ITGAX: variants seen among roughly 807,000 people sequenced by gnomAD.
ITGAX encodes the protein integrin alpha-X.
A neutral mutation model predicts 140.2 loss-of-function variants in ITGAX; 99 were observed. The observed-to-expected ratio is 0.71, with a 90% CI of 0.60 to 0.83. The LOEUF is 0.83. Among genes scored for constraint, ITGAX ranks in the 40% least tolerant of loss-of-function variants. ITGAX has a pLI of 0.00. For missense variants in ITGAX, 1,444 were observed against 1,482.0 expected, an observed-to-expected ratio of 0.97 and a Z score of 0.42; for synonymous variants, 631 against 600.4, an observed-to-expected ratio of 1.05 and a Z score of -0.75.
At chr16:31,378,832 TTG>T (rs201147223) in intron 23 of ITGAX, among the ~76,000 whole-genome samples, 1,900 of 151,206 alleles carry the variant, frequency 0.013, 48 homozygotes, top group African/African-American at 0.044. Flanking sequence ...TTTTTTTTTT[TTG>T]AGACCAAGTC....
Position 31,382,509 on chromosome 16 carries a change from C to A in ITGAX, c.*602C>A, listed in dbSNP as rs529318380. On this transcript the variant is annotated 3_prime_UTR_variant, in exon 30 of 30. Transcript: ENST00000268296. ...GGACAATGTCTGAACTCTCCAGCTT[C>A]GCGTGAGAAGTCCCCTTCCATCCCA... 1 of 1,440,154 alleles carries A rather than the reference C, an allele frequency of 6.9e-7. No individual in the cohort carries two copies. The highest frequency in any genetic ancestry group is 1.2e-5 in the South Asian group (1 of 82,200). The allele number at this position is 1,440,154 out of a possible 1,614,324, so 89.2% of individuals were successfully genotyped here.
intron 14 of ITGAX, among the ~76,000 whole-genome samples, chr16:31,368,631 A>G (rs1212713058): frequency 7.4e-6 from 1 of 134,884 alleles, no homozygotes; most frequent in African/African-American, 2.7e-5. Flanking sequence ...TTTTTTATTG[A>G]TCATTCTTGG....
chr16:31,361,155 C>G lies in ITGAX; in HGVS notation c.954C>G (p.Asp318Glu). 6.2e-7 allele frequency: 1 copy of G among 1,613,914 alleles called. No homozygotes were observed. The highest frequency in any genetic ancestry group is 1.1e-5 in the South Asian group (1 of 91,030). Residue 318 changes from aspartate to glutamate, a missense_variant, in exon 9 of 30, where the codon GAC becomes GAG. Physicochemically the swap from Asp to Glu is conservative, Grantham distance 45 (BLOSUM62 2). Coordinates refer to ENST00000268296, the MANE Select transcript of ITGAX (RefSeq NM_000887.5). Reference sequence around the variant, plus strand: ...AGGAACACATATTTAAAGTGGAGGACTTTGATGCTCTGAAAGATATTCAAA... The same window carrying G: ...AGGAACACATATTTAAAGTGGAGGAGTTTGATGCTCTGAAAGATATTCAAA... ...PSQEHIFKVE[D>E]FDALKDIQNQ...
chr16:31,370,334 A>G lies in ITGAX; in HGVS notation c.1711-750A>G, dbSNP rs568081023. On this transcript the variant is annotated intron_variant, in intron 14 of 29. Coordinates refer to ENST00000268296, the MANE Select transcript of ITGAX (RefSeq NM_000887.5). ...GCACATTCTTCCAGGGATTGGGCAT[A>G]ACATGAGCACTGGGAATGAAGGTGA... Among the ~76,000 whole-genome samples the G allele has an allele frequency of 3.9e-5, 6 of 152,280 alleles. No individual in the cohort carries two copies. In the South Asian group the frequency reaches 1.0e-3, roughly 26 times the overall value.
chr16:31,382,439 T>G lies in ITGAX; in HGVS notation c.*532T>G. The stretch of plus-strand genomic sequence containing the variant: ...TCTTTCTAAAATACAGTTCTGAATA[T>G]GCTGCTCATCCCCACCTGTCTTCAA... On this transcript the variant is annotated 3_prime_UTR_variant, in exon 30 of 30. Coordinates refer to ENST00000268296, the MANE Select transcript of ITGAX (RefSeq NM_000887.5). 6.5e-7 allele frequency: 1 copy of G among 1,535,564 alleles called. No homozygotes were observed. The highest frequency in any genetic ancestry group is 8.7e-7 in the Non-Finnish European group (1 of 1,146,458).
At position 31,363,009 on chromosome 16, in the gene ITGAX, C is replaced by T. The variant is rs142089990; in HGVS notation, c.1434C>T (p.Ile478=). ...ACGGCAGCACCGACCTGGTCCTCAT[C>T]GGGGCCCCCCATTACTACGAGCAGA... The part of the protein sequence containing the change: ...DSDGSTDLVL[I]GAPHYYEQTR... Residue 478 remains isoleucine, a synonymous_variant, in exon 13 of 30, where the codon ATC becomes ATT. Transcript: ENST00000268296. 4,366 of 1,384,422 alleles carry T rather than the reference C, an allele frequency of 3.2e-3. 13 individuals are homozygous for T. The highest frequency in any genetic ancestry group is 3.9e-3 in the Non-Finnish European group (4,015 of 1,037,342). 85.8% of individuals were successfully genotyped at this position (1,384,422 alleles called of 1,614,324 possible).
At position 31,372,525 on chromosome 16, in the gene ITGAX, G is replaced by T; in HGVS notation, c.2292+16G>T. 1 of 1,611,488 alleles carries T rather than the reference G, an allele frequency of 6.2e-7. No homozygotes were observed. The highest frequency in any genetic ancestry group is 8.5e-7 in the Non-Finnish European group (1 of 1,179,096). ...CACGGCCTCCGTGAGTCCTGGCACT[G>T]GGTCTCCCAGAGAGGGTGCACAGCG... is the stretch of plus-strand genomic sequence containing the variant. On this transcript the variant is annotated intron_variant, in intron 18 of 29. Transcript: ENST00000268296.
In ITGAX at chr16:31,361,916, G is replaced by A. The variant is rs766321271; in HGVS notation, c.1086+7G>A. 1.2e-6 allele frequency: 2 copies of A among 1,613,988 alleles called. No homozygotes were observed. The highest frequency in any genetic ancestry group is 2.2e-5 in the East Asian group (1 of 44,868). On this transcript the variant is annotated splice_region_variant and intron_variant, in intron 10 of 29. Transcript: ENST00000268296. ...CAGCGCTGTGTTCACACCTGTGAGTGGGGCCCCTTAGGCCGATGATGTGCC... is the reference window on the plus strand; with the variant it reads ...CAGCGCTGTGTTCACACCTGTGAGTAGGGCCCCTTAGGCCGATGATGTGCC...
Position 31,360,061 on chromosome 16 carries a change from G to A in ITGAX, c.703G>A (p.Val235Ile), listed in dbSNP as rs964527732. 2.5e-6 allele frequency: 4 copies of A among 1,609,512 alleles called. No individual in the cohort carries two copies. Among genetic ancestry groups the A allele is most frequent in the Non-Finnish European group, 3.4e-6 (4 of 1,180,004 alleles). Residue 235 changes from valine (V) to isoleucine (I), a missense_variant, in exon 7 of 30, where the codon GTC becomes ATC. Transcript: ENST00000268296. Reference sequence around the variant, plus strand: ...ATACACGGCCACCGCCATCCAAAATGTCGTGTGAGTCCTGATTTCTTCCAG... The same window carrying A: ...ATACACGGCCACCGCCATCCAAAATATCGTGTGAGTCCTGATTTCTTCCAG... ...FTYTATAIQN[V>I]VHRLFHASYG...
chr16:31,363,195 T>C lies in ITGAX; in HGVS notation c.1531T>C (p.Tyr511His), dbSNP rs369681895. 24 of 1,612,078 alleles carry C rather than the reference T, an allele frequency of 1.5e-5. No individual in the cohort carries two copies. The highest frequency in any genetic ancestry group is 1.8e-5 in the Non-Finnish European group (21 of 1,179,156). Residue 511 changes from tyrosine (Y) to histidine (H), a missense_variant, in exon 14 of 30, where the codon TAC becomes CAC. Coordinates refer to ENST00000268296, the MANE Select transcript of ITGAX (RefSeq NM_000887.5). ...AAGGTGGTGGTGTGATGCTGTTCTC[T>C]ACGGGGAGCAGGGCCACCCCTGGGG... ...WRRWWCDAVLYGEQGHPWGRF... is the reference protein window; with the variant it reads ...WRRWWCDAVLHGEQGHPWGRF...
chr16:31,371,289 C>T (rs377204596), intron 15 of ITGAX, 45 bp from the exon 16 acceptor site: 54 of 1,609,878 alleles, frequency 3.4e-5, no homozygotes, highest in Non-Finnish European at 4.3e-5. Flanking sequence ...ACGTGGTGCT[C>T]CCAGGAGCCG....
rs879341182 is a variant in ITGAX at position 31,368,360 on chromosome 16, TG to T, written c.1711-2722del. Among the ~76,000 whole-genome samples the T allele has an allele frequency of 9.2e-5, 14 of 151,786 alleles. No individual in the cohort carries two copies. The East Asian group carries it at 2.7e-3, about 29-fold the overall frequency. On this transcript the variant is annotated intron_variant, in intron 14 of 29. Transcript: ENST00000268296. ...CTCTACTAAAAAAATTAGCTGGGTG[TG>T]GTGGCAGATGTCTGTAATCCCAGCT...
chr16:31,363,509 T>A, intron 14 of ITGAX, 135 bp downstream of exon 14: 1 of 984,644 alleles, frequency 1.0e-6, no homozygotes, highest in Non-Finnish European at 1.6e-6. Context: ...AGCAGTGGCG[T>A]GGTCTCAGCT....
chr16:31,371,372 T>C lies in ITGAX; in HGVS notation c.1880T>C (p.Phe627Ser). The change falls in exon 16 of 30, where the codon TTC becomes TCC. Residue 627 changes from phenylalanine (F) to serine (S), a missense_variant. Physicochemically the swap from Phe to Ser is radical, Grantham distance 155 (BLOSUM62 -2). Coordinates refer to ENST00000268296, the MANE Select transcript of ITGAX (RefSeq NM_000887.5). ...PVLWVGVSMQ[F>S]IPAEIPRSAF... The stretch of plus-strand genomic sequence containing the variant: ...CTCTGGGTGGGGGTGAGCATGCAGT[T>C]CATACCTGCCGAGATCCCCAGGTCT... 1 of 1,614,128 alleles carries C rather than the reference T, an allele frequency of 6.2e-7. No individual in the cohort carries two copies. Among genetic ancestry groups the C allele is most frequent in the South Asian group, 1.1e-5 (1 of 91,082 alleles).
At chr16:31,368,064 T>C (rs2080909443) in intron 14 of ITGAX, among the ~76,000 whole-genome samples, 1 of 151,966 alleles carries the variant, frequency 6.6e-6, no homozygotes, top group Non-Finnish European at 1.5e-5. Flanking sequence ...AGAACCAGAA[T>C]TAGAAGTGGA....
intron 12 of ITGAX, 41 bp downstream of exon 12, chr16:31,362,794 G>C: frequency 6.2e-7 from 1 of 1,612,330 alleles, no homozygotes. Flanking sequence ...TGAGGGTAGG[G>C]GAGGTGGCTG....
rs548846760 is a variant in ITGAX at position 31,380,543 on chromosome 16, G to A, written c.3195G>A (p.Ser1065=). 5.6e-6 allele frequency: 9 copies of A among 1,614,266 alleles called. No homozygotes were observed. The highest frequency in any genetic ancestry group is 4.5e-5 in the East Asian group (2 of 44,894). Residue 1065 remains serine, a synonymous_variant, in exon 28 of 30, where the codon TCG becomes TCA. Transcript: ENST00000268296. ...TGCAGATATTGCAGAAGAAGGTGTC[G>A]GTCGTGAGTGTGGCTGAAATTACGT... ...WVRQILQKKV[S]VVSVAEITFD... is the part of the protein sequence containing the mutation.
intron 9 of ITGAX, 57 bp downstream of exon 9, chr16:31,361,270 C>T (rs1432933839): frequency 6.5e-7 from 1 of 1,545,148 alleles, no homozygotes; most frequent in Non-Finnish European, 8.8e-7. Flanking sequence ...CACCTTTCCA[C>T]TTAGAACCCG....
chr16:31,362,424 A>G (rs970686177), intron 11 of ITGAX, among the ~76,000 whole-genome samples, 187 bp from the exon 12 acceptor site: 842 of 10,892 alleles, frequency 0.077, no homozygotes, highest in Non-Finnish European at 0.088. Flanking sequence ...TTCTGGGGAG[A>G]GGGGATGGGC....
Sources: allele counts gnomAD v4.1 joint callset (sites outside exome capture counted in the v4.1 genomes callset), GRCh38; gene constraint gnomAD v4.1.1; transcripts MANE v1.5; gene names NCBI Gene and HGNC (gene_info 2026-07-23, HGNC 2026-07-21).